ARNT2: variants seen among roughly 807,000 people sequenced by gnomAD.
ARNT2 encodes ARNT protein 2.
A neutral mutation model predicts 91.7 loss-of-function variants in ARNT2; 36 were observed. That is an observed-to-expected ratio of 0.39 (90% confidence interval 0.30 to 0.52). The LOEUF (loss-of-function observed/expected upper bound fraction) is 0.52. Among genes scored for constraint, ARNT2 ranks in the 20% least tolerant of loss-of-function variants. The pLI, the probability that ARNT2 is intolerant of heterozygous loss-of-function variation, is 0.72. For synonymous variants in ARNT2, 365 were observed against 347.1 expected (o/e 1.05, Z -0.57); for missense variants, 775 against 939.3 (o/e 0.83, Z 2.29).
chr15:80,529,510 CTTT>C (rs374709156), intron 8 of ARNT2, among the ~76,000 whole-genome samples: 1 of 142,056 alleles, frequency 7.0e-6, no homozygotes, highest in Non-Finnish European at 1.6e-5. Context: ...TTTTTCTTTT[CTTT>C]TTTTTTTTTC....
intron 16 of ARNT2, 66 bp from the exon 17 acceptor site, chr15:80,581,173 G>A (rs200360378): frequency 5.3e-4 from 842 of 1,586,774 alleles, no homozygotes; most frequent in Admixed American, 9.6e-4. Flanking sequence ...CCAGCCTGGG[G>A]CATCGGTTGG....
intron 1 of ARNT2, among the ~76,000 whole-genome samples, chr15:80,443,408 G>A (rs939847729): frequency 9.9e-5 from 15 of 152,192 alleles, no homozygotes; most frequent in Admixed American, 9.8e-4. Flanking sequence ...TGTGGCTTCC[G>A]AGTGTGGAAT....
chr15:80,503,163 C>T (rs1234321051), intron 5 of ARNT2, among the ~76,000 whole-genome samples: 1 of 152,186 alleles, frequency 6.6e-6, no homozygotes, highest in Non-Finnish European at 1.5e-5. Flanking sequence ...CTCTGTTTGC[C>T]TCTCTACTGG....
chr15:80,449,130 T>G (rs1301239964), intron 1 of ARNT2, among the ~76,000 whole-genome samples: 1 of 152,256 alleles, frequency 6.6e-6, no homozygotes, highest in African/African-American at 2.4e-5. Context: ...AGCAATCCTC[T>G]TTATATAGGT....
At chr15:80,437,482 T>C (rs1383883538) in intron 1 of ARNT2, among the ~76,000 whole-genome samples, 1 of 152,250 alleles carries the variant, frequency 6.6e-6, no homozygotes, top group Non-Finnish European at 1.5e-5. Context: ...ACCCTGAATA[T>C]GATCACACCC....
intron 8 of ARNT2, among the ~76,000 whole-genome samples, chr15:80,543,698 C>G (rs906077602): frequency 4.6e-5 from 7 of 152,148 alleles, no homozygotes; most frequent in Non-Finnish European, 1.0e-4. Context: ...GTCAAGTTTA[C>G]TAATCTACCT....
At chr15:80,584,028 A>AT (rs1404202161) in intron 17 of ARNT2, among the ~76,000 whole-genome samples, 1 of 152,218 alleles carries the variant, frequency 6.6e-6, no homozygotes, top group Non-Finnish European at 1.5e-5. Context: ...GGCCACAGCT[A>AT]TTTGAGTGGA....
Position 80,592,024 on chromosome 15 carries a change from G to A in ARNT2, c.2055+320G>A, listed in dbSNP as rs568859966. Among the ~76,000 whole-genome samples, 3 of 152,270 alleles carry A rather than the reference G, an allele frequency of 2.0e-5. No homozygotes were observed. The South Asian group carries it at 6.2e-4, about 32-fold the overall frequency. On this transcript the variant is annotated intron_variant, in intron 18 of 18. Coordinates refer to ENST00000303329, the MANE Select transcript of ARNT2 (RefSeq NM_014862.4). ...CAAGGCCAAAGGGGGTCTCTCCTAA[G>A]AGCTGCAGGCACCCCCAGGCTTGGC...
At chr15:80,406,465 A>G (rs919181930) in intron 1 of ARNT2, among the ~76,000 whole-genome samples, 3 of 152,244 alleles carry the variant, frequency 2.0e-5, no homozygotes, top group Non-Finnish European at 4.4e-5. Flanking sequence ...TTAAATGAAA[A>G]CATTTTAGTC....
intron 17 of ARNT2, among the ~76,000 whole-genome samples, chr15:80,590,996 T>C (rs921153065): frequency 6.6e-6 from 1 of 152,146 alleles, no homozygotes; most frequent in African/African-American, 2.4e-5. Context: ...AGGGGGACCT[T>C]GTATAATGCG....
chr15:80,581,518 A>G lies in ARNT2; in HGVS notation c.1918+114A>G, dbSNP rs2141481337. 2.2e-6 allele frequency: 3 copies of G among 1,384,646 alleles called. No individual in the cohort carries two copies. In the South Asian group the frequency reaches 4.0e-5, roughly 18 times the overall value. The allele number at this position is 1,384,646 out of a possible 1,614,324, so 85.8% of individuals were successfully genotyped here. ...TCCCAGCTACCAAAACAAGGTCTGG[A>G]GGTTTCCAAGCACCTCCTCTCTCTC... is the stretch of plus-strand genomic sequence containing the variant. On this transcript the variant is annotated intron_variant, in intron 17 of 18. Transcript: ENST00000303329.
intron 8 of ARNT2, among the ~76,000 whole-genome samples, chr15:80,517,888 A>G (rs1205266486): frequency 6.6e-6 from 1 of 151,772 alleles, no homozygotes; most frequent in Non-Finnish European, 1.5e-5. Flanking sequence ...TTTATTATCC[A>G]TCTGTTCTTG....
intron 13 of ARNT2, 122 bp from the exon 14 acceptor site, chr15:80,574,865 C>G: frequency 7.9e-7 from 1 of 1,273,026 alleles, no homozygotes; most frequent in Non-Finnish European, 1.1e-6. Context: ...ATGTTCCAGC[C>G]CAAAATGCCA....
chr15:80,541,209 G>A (rs961080324), intron 8 of ARNT2, among the ~76,000 whole-genome samples: 10 of 152,146 alleles, frequency 6.6e-5, no homozygotes, highest in South Asian at 2.1e-4. Context: ...GTATCTCTGC[G>A]GTTTTGTTTG....
chr15:80,479,778 CT>C (rs1306409612), intron 5 of ARNT2, among the ~76,000 whole-genome samples: 2 of 152,164 alleles, frequency 1.3e-5, no homozygotes, highest in Non-Finnish European at 2.9e-5. Context: ...GGGCCCGGCT[CT>C]CTTGGCTCAT....
intron 11 of ARNT2, among the ~76,000 whole-genome samples, chr15:80,560,929 T>A (rs35947112): frequency 0.17 from 25,847 of 152,220 alleles, 2,941 homozygotes; most frequent in Non-Finnish European, 0.25. Context: ...CCAGGGAGCC[T>A]TATCTGACAT....
At position 80,591,300 on chromosome 15, in the gene ARNT2, C is replaced by T. The variant is rs1363109140; in HGVS notation, c.1919-268C>T. On this transcript the variant is annotated intron_variant, in intron 17 of 18. Coordinates refer to ENST00000303329, the MANE Select transcript of ARNT2 (RefSeq NM_014862.4). This position sits in a 1 kb window ranked among gnomAD's most constrained non-coding sequence, Gnocchi z 5.1. ...AAGGAGCACTCCAAGGCTTAAAGCA[C>T]CTAGTCACCTGGCAGGTGACCTCAG... Among the ~76,000 whole-genome samples, 1 of 152,188 alleles carries T rather than the reference C, an allele frequency of 6.6e-6. No individual in the cohort carries two copies. Among genetic ancestry groups the T allele is most frequent in the Non-Finnish European group, 1.5e-5 (1 of 68,040 alleles).
chr15:80,549,679 A>G (rs1025712218), intron 8 of ARNT2, among the ~76,000 whole-genome samples: 1 of 152,248 alleles, frequency 6.6e-6, no homozygotes, highest in African/African-American at 2.4e-5. Flanking sequence ...TCAGACTGAC[A>G]AACATTAAAT....
intron 1 of ARNT2, among the ~76,000 whole-genome samples, chr15:80,414,958 A>G (rs1029189513): frequency 6.6e-6 from 1 of 152,222 alleles, no homozygotes; most frequent in Non-Finnish European, 1.5e-5. Context: ...AGTCTCTAAC[A>G]CAGGCAGCAC....
Sources: allele counts gnomAD v4.1 joint callset (sites outside exome capture counted in the v4.1 genomes callset), GRCh38; gene constraint gnomAD v4.1.1; non-coding constraint Gnocchi (gnomAD v3.1); transcripts MANE v1.5; gene names NCBI Gene and HGNC (gene_info 2026-07-23, HGNC 2026-07-21).